GFRAL: variants seen among roughly 807,000 people sequenced by gnomAD.
GFRAL encodes the protein GDNF family receptor alpha like.
In GFRAL, 36 loss-of-function variants were observed where a neutral mutation model predicts 45.4. The observed-to-expected ratio is 0.79, with a 90% CI of 0.61 to 1.05. The LOEUF (loss-of-function observed/expected upper bound fraction) is 1.05. GFRAL is among the 50% of genes least tolerant of loss of function. The pLI is 0.00. For synonymous variants in GFRAL, 166 were observed against 154.1 expected (o/e 1.08, Z -0.57); for missense variants, 507 against 467.5 (o/e 1.08, Z -0.78).
At chr6:55,376,555 T>C (rs1185128735) in intron 6 of GFRAL, among the ~76,000 whole-genome samples, 1 of 152,108 alleles carries the variant, frequency 6.6e-6, no homozygotes, top group Non-Finnish European at 1.5e-5. Context: ...ATTCAGTTTC[T>C]TCCTGGTTCA....
At chr6:55,327,715 GT>G in intron 1 of GFRAL, 139 bp downstream of exon 1, 4 of 744,222 alleles carry the variant, frequency 5.4e-6, no homozygotes, top group Non-Finnish European at 8.8e-6. Context: ...CTTTAACATG[GT>G]TTATTCTTCT....
chr6:55,357,842 A>C (rs1339885314), intron 5 of GFRAL, among the ~76,000 whole-genome samples: 2 of 151,800 alleles, frequency 1.3e-5, no homozygotes, highest in African/African-American at 2.4e-5. Flanking sequence ...AACATATTTA[A>C]AATGAATAAA....
chr6:55,366,419 G>GT (rs1347520317), intron 6 of GFRAL, among the ~76,000 whole-genome samples: 6 of 146,022 alleles, frequency 4.1e-5, no homozygotes, highest in Admixed American at 4.1e-4. Context: ...TTTTTGAAGG[G>GT]TTTTTTGTGT....
chr6:55,341,542 C>T (rs948968396), intron 3 of GFRAL, among the ~76,000 whole-genome samples: 2 of 152,036 alleles, frequency 1.3e-5, no homozygotes, highest in African/African-American at 4.8e-5. Flanking sequence ...TCATGAAAGA[C>T]CAAAGGTAGA....
At chr6:55,370,484 A>T (rs930369661) in intron 6 of GFRAL, among the ~76,000 whole-genome samples, 1 of 152,214 alleles carries the variant, frequency 6.6e-6, no homozygotes, top group African/African-American at 2.4e-5. Flanking sequence ...TTCTATTGCA[A>T]ATACATCTAT....
At position 55,402,117 on chromosome 6, in the gene GFRAL, A is replaced by G; in HGVS notation, c.*264A>G. 1 of 294,910 alleles carries G rather than the reference A, an allele frequency of 3.4e-6. No individual in the cohort carries two copies. 18.3% of individuals were successfully genotyped at this position (294,910 alleles called of 1,614,324 possible). ...TCAGCCTTCCCGAGTAGCTGGGATT[A>G]CAGGTACCCGCCACCACGCCCAGCT... On this transcript the variant is annotated 3_prime_UTR_variant, in exon 9 of 9. Transcript: ENST00000340465.
At position 55,327,519 on chromosome 6, in the gene GFRAL, CT is replaced by C; in HGVS notation, c.-29del. ...AAGTTGTCAGAAGAAACGCATCTGC[CT>C]TTTTTTCCAGGTGAACTGCCGTGAG... is the stretch of plus-strand genomic sequence containing the variant. On this transcript the variant is annotated 5_prime_UTR_variant, in exon 1 of 9. Transcript: ENST00000340465. 9 of 1,610,494 alleles carry C rather than the reference CT, an allele frequency of 5.6e-6. No homozygotes were observed. Among genetic ancestry groups the C allele is most frequent in the Admixed American group, 3.4e-5 (2 of 59,680 alleles).
chr6:55,343,558 G>A (rs1322375688), intron 3 of GFRAL, among the ~76,000 whole-genome samples: 1 of 152,134 alleles, frequency 6.6e-6, no homozygotes, highest in Non-Finnish European at 1.5e-5. Context: ...AGCACTAAAT[G>A]CCCACAAAAG....
In GFRAL at chr6:55,339,209, T is replaced by C. The variant is rs142268242; in HGVS notation, c.316+5265T>C. On this transcript the variant is annotated intron_variant, in intron 3 of 8. Transcript: ENST00000340465. ...AGGTGGCTGGCTTGGGACAAGGGGA[T>C]TGCTATACATTGAGCCAAGAAATGA... Among the ~76,000 whole-genome samples the C allele has an allele frequency of 7.2e-5, 11 of 152,286 alleles. No homozygotes were observed. In the East Asian group the frequency reaches 2.1e-3, roughly 29 times the overall value.
At chr6:55,346,845 A>C (rs1202304694) in intron 3 of GFRAL, among the ~76,000 whole-genome samples, 2 of 137,256 alleles carry the variant, frequency 1.5e-5, no homozygotes, top group African/African-American at 5.2e-5. Flanking sequence ...CCCCCCCCAA[A>C]AAAAAGAAAA....
chr6:55,360,532 T>C (rs1768259571), intron 6 of GFRAL, among the ~76,000 whole-genome samples: 1 of 152,006 alleles, frequency 6.6e-6, no homozygotes, highest in Admixed American at 6.6e-5. Context: ...TTGTTGTATA[T>C]TATGTAATAG....
intron 6 of GFRAL, among the ~76,000 whole-genome samples, chr6:55,367,850 C>A (rs1330930598): frequency 6.6e-6 from 1 of 151,916 alleles, no homozygotes; most frequent in African/African-American, 2.4e-5. Flanking sequence ...GGTAACCCGA[C>A]CTTTCTCTCT....
chr6:55,340,564 G>A (rs1472645773), intron 3 of GFRAL, among the ~76,000 whole-genome samples: 1 of 152,174 alleles, frequency 6.6e-6, no homozygotes. Context: ...TGGCAGAATA[G>A]GAACAGCTCC....
In GFRAL at chr6:55,399,201, T is replaced by C. The variant is rs1768864370; in HGVS notation, c.974T>C (p.Val325Ala). 1.3e-6 allele frequency: 2 copies of C among 1,594,798 alleles called. No individual in the cohort carries two copies. Among genetic ancestry groups the C allele is most frequent in the African/African-American group, 2.7e-5 (2 of 74,490 alleles). Residue 325 changes from valine (V) to alanine (A), a missense_variant, in exon 7 of 9, where the codon GTC becomes GCC. Transcript: ENST00000340465. ...SCFNYPTLSN[V>A]KGMALYTRKH... ...TCAGATTATCCAACCCTGTCTAATG[T>C]CAAAGGCATGGCATTGTATACAAGA...
At chr6:55,361,381 G>A (rs1205253497) in intron 6 of GFRAL, among the ~76,000 whole-genome samples, 1 of 151,840 alleles carries the variant, frequency 6.6e-6, no homozygotes, top group Non-Finnish European at 1.5e-5. Flanking sequence ...TATAACCTAT[G>A]TATATCCTCC....
At chr6:55,331,668 G>A in intron 1 of GFRAL, 47 bp from the exon 2 acceptor site, 2 of 1,558,164 alleles carry the variant, frequency 1.3e-6, no homozygotes, top group African/African-American at 2.8e-5. Flanking sequence ...GAAGAAAATG[G>A]ATGCCAAATT....
chr6:55,355,125 T>C (rs1450629243), intron 5 of GFRAL, among the ~76,000 whole-genome samples: 1 of 152,006 alleles, frequency 6.6e-6, no homozygotes, highest in Non-Finnish European at 1.5e-5. Context: ...CATCATATTA[T>C]ATACTTCTCT....
intron 1 of GFRAL, among the ~76,000 whole-genome samples, chr6:55,328,727 A>G (rs1486977694): frequency 6.6e-6 from 1 of 152,030 alleles, no homozygotes; most frequent in African/African-American, 2.4e-5. Context: ...ACCTCAGTTG[A>G]AAAGGCAATG....
intron 6 of GFRAL, among the ~76,000 whole-genome samples, chr6:55,380,556 A>G (rs1284836342): frequency 6.6e-6 from 1 of 151,904 alleles, no homozygotes; most frequent in Non-Finnish European, 1.5e-5. Context: ...AAGTCTGGGA[A>G]CCACTTCTCT....
Sources: gnomAD v4.1 joint callset for allele counts (sites outside exome capture counted in the v4.1 genomes callset) on GRCh38, gnomAD v4.1.1 for gene constraint, MANE v1.5 for transcripts, NCBI Gene and HGNC (gene_info 2026-07-23, HGNC 2026-07-21) for gene names.